The following C11orf91 variants were observed in gnomAD, a reference collection of about 807,000 sequenced individuals.
C11orf91 encodes chromosome 11 open reading frame 91, also known as uncharacterized protein C11orf91.
Under a neutral mutation model 14.3 loss-of-function variants are expected in C11orf91, and 10 were observed. The ratio of observed to expected loss-of-function variants is 0.70; its 90% CI spans 0.43 to 1.18. C11orf91 has a LOEUF of 1.18. Ranked by LOEUF, C11orf91 falls within the 50% of genes most tolerant of loss-of-function variation. C11orf91 has a pLI of 0.00. For synonymous variants in C11orf91, 141 were observed against 130.6 expected, an observed-to-expected ratio of 1.08 and a Z score of -0.54; for missense variants, 236 against 269.0, an observed-to-expected ratio of 0.88 and a Z score of 0.86.
chr11:33,705,458 G>A (rs1264615775), upstream of C11orf91: 1 of 152,240 alleles, frequency 6.6e-6, no homozygotes, highest in Non-Finnish European at 1.5e-5. Flanking sequence ...TGTCTACCTT[G>A]TTTGCTGAGT....
chr11:33,702,087 C>T (rs1410679014), upstream of C11orf91, among the ~76,000 whole-genome samples: 1 of 152,016 alleles, frequency 6.6e-6, no homozygotes, highest in Non-Finnish European at 1.5e-5. Context: ...GGCAGCCACC[C>T]ATCATTGTTT....
At chr11:33,702,494 C>T (rs550747389), upstream of C11orf91, among the ~76,000 whole-genome samples, 2 of 152,204 alleles carry the variant, frequency 1.3e-5, no homozygotes, top group East Asian at 3.9e-4. Context: ...ATACCCTTAT[C>T]TTCCATTAGT....
At position 33,698,564 on chromosome 11, in the gene C11orf91, C is replaced by T. The variant is rs1424711784; in HGVS notation, c.497-50G>A. ...GCCGTAATAGAGATAAGGGCTTTTC[C>T]TAACACTTCCAAAGCAAACTCTTGG... is the stretch of plus-strand genomic sequence containing the variant. On this transcript the variant is annotated intron_variant, in intron 1 of 1. Transcript: ENST00000379011. 3 of 1,298,420 alleles carry T rather than the reference C, an allele frequency of 2.3e-6. No individual in the cohort carries two copies. In the Admixed American group the frequency reaches 5.9e-5, roughly 26 times the overall value. 80.4% of individuals were successfully genotyped at this position (1,298,420 alleles called of 1,614,324 possible).
chr11:33,700,796 GC>G lies in C11orf91; in HGVS notation c.-57del. The G allele has an allele frequency of 1.6e-6, 2 of 1,255,320 alleles. No homozygotes were observed. Among genetic ancestry groups the G allele is most frequent in the African/African-American group, 3.1e-5 (2 of 64,628 alleles). The allele number at this position is 1,255,320 out of a possible 1,614,324, so 77.8% of individuals were successfully genotyped here. ...CCCGCGCCGGGAGACGCGCGCTCAGGCCCCGAGTCGCCGGGGTTTCGAGGTT... is the reference window on the plus strand; with the variant it reads ...CCCGCGCCGGGAGACGCGCGCTCAGGCCCGAGTCGCCGGGGTTTCGAGGTT... On this transcript the variant is annotated 5_prime_UTR_variant, in exon 1 of 2. Transcript: ENST00000379011.
chr11:33,705,755 C>G (rs1458413974), upstream of C11orf91: 1 of 152,204 alleles, frequency 6.6e-6, no homozygotes, highest in Non-Finnish European at 1.5e-5. Flanking sequence ...TTCATATATA[C>G]ATATATCCTA....
chr11:33,702,029 G>A (rs915864743), upstream of C11orf91, among the ~76,000 whole-genome samples: 2 of 152,108 alleles, frequency 1.3e-5, no homozygotes, highest in Non-Finnish European at 2.9e-5. Flanking sequence ...TTCCCACACT[G>A]AGCTTCCCAC....
chr11:33,700,569 CG>C lies in C11orf91; in HGVS notation c.171del (p.Ala59ArgfsTer111). On this transcript the variant is annotated frameshift_variant, in exon 1 of 2. Coordinates refer to ENST00000379011, the MANE Select transcript of C11orf91 (RefSeq NM_001166692.2). LOFTEE classifies it high-confidence loss of function. ...VPLKAGGAPV[G>X]GAAGARSLSQ... ...GACAGGGACCGGGCCCCCGCCGCCC[CG>C]CCCACTGGCGCCCCGCCCGCCTTCA... is the stretch of plus-strand genomic sequence containing the variant. 1 of 1,452,274 alleles carries C rather than the reference CG, an allele frequency of 6.9e-7. No individual in the cohort carries two copies. Among genetic ancestry groups the C allele is most frequent in the Non-Finnish European group, 9.0e-7 (1 of 1,106,218 alleles). 90.0% of individuals were successfully genotyped at this position (1,452,274 alleles called of 1,614,324 possible). A position where few individuals can be genotyped will look rare whatever the true frequency, so the allele number is the denominator to read the frequency against.
At chr11:33,699,143 A>G (rs1853080008) in intron 1 of C11orf91, among the ~76,000 whole-genome samples, 1 of 152,124 alleles carries the variant, frequency 6.6e-6, no homozygotes, top group Non-Finnish European at 1.5e-5. Context: ...TTTCTTAACT[A>G]TGAATACATA....
Position 33,700,367 on chromosome 11 carries a change from G to C in C11orf91, c.374C>G (p.Pro125Arg), listed in dbSNP as rs1467992766. The C allele has an allele frequency of 6.5e-7, 1 of 1,534,818 alleles. No individual in the cohort carries two copies. The highest frequency in any genetic ancestry group is 2.4e-5 in the East Asian group (1 of 40,894). Residue 125 changes from proline to arginine, a missense_variant, in exon 1 of 2, where the codon CCC becomes CGC. By Grantham distance (103) the Pro-to-Arg change is moderately radical. Transcript: ENST00000379011. ...GPEVVASPLV[P>R]CPSTPRLASA... ...GGCGAGCCTGGGGGTCGAGGGGCAG[G>C]GGACCAGGGGCGAGGCAACCACCTC...
upstream of C11orf91, chr11:33,703,195 A>T (rs771428900): frequency 6.6e-6 from 1 of 152,208 alleles, no homozygotes; most frequent in Non-Finnish European, 1.5e-5. Flanking sequence ...CCAGGGGGTT[A>T]AATAAGAAGT....
chr11:33,702,800 GT>G (rs753537436), upstream of C11orf91: 64 of 284,298 alleles, frequency 2.3e-4, no homozygotes, highest in Non-Finnish European at 3.9e-4. Context: ...AAGAACCAGG[GT>G]TTTGGACTCA....
chr11:33,698,531 C>G lies in C11orf91; in HGVS notation c.497-17G>C. 2.0e-6 allele frequency: 3 copies of G among 1,518,750 alleles called. No individual in the cohort carries two copies. Among genetic ancestry groups the G allele is most frequent in the South Asian group, 1.2e-5 (1 of 83,688 alleles). 94.1% of individuals were successfully genotyped at this position (1,518,750 alleles called of 1,614,324 possible). On this transcript the variant is annotated splice_polypyrimidine_tract_variant and intron_variant, in intron 1 of 1. Coordinates refer to ENST00000379011, the MANE Select transcript of C11orf91 (RefSeq NM_001166692.2). ...GGAATGTGTCTGCAGGAGAGCAAAA[C>G]AAACTTAGCCGTAATAGAGATAAGG... is the stretch of plus-strand genomic sequence containing the variant.
chr11:33,698,375 A>G lies in C11orf91; in HGVS notation c.*54T>C, dbSNP rs1027722425. The stretch of plus-strand genomic sequence containing the variant: ...GAAATGACAACAAATGGGACACATT[A>G]TCTAAGCACTAACACCTAAGGAGGT... On this transcript the variant is annotated 3_prime_UTR_variant, in exon 2 of 2. Transcript: ENST00000379011. 1.0e-5 allele frequency: 10 copies of G among 1,002,772 alleles called. No homozygotes were observed. In the African/African-American group the frequency reaches 1.6e-4, roughly 16 times the overall value. The allele number at this position is 1,002,772 out of a possible 1,614,324, so 62.1% of individuals were successfully genotyped here. A position where few individuals can be genotyped will look rare whatever the true frequency, so the allele number is the denominator to read the frequency against.
chr11:33,701,812 A>C (rs953017152), upstream of C11orf91, among the ~76,000 whole-genome samples: 3 of 151,600 alleles, frequency 2.0e-5, no homozygotes, highest in Non-Finnish European at 2.9e-5. Context: ...TCAGATATTC[A>C]AGCTGGGTAG....
chr11:33,700,483 G>A lies in C11orf91; in HGVS notation c.258C>T (p.Ser86=). The change falls in exon 1 of 2, where the codon AGC becomes AGT. Residue 86 remains serine (S), a synonymous_variant. Coordinates refer to ENST00000379011, the MANE Select transcript of C11orf91 (RefSeq NM_001166692.2). The stretch of plus-strand genomic sequence containing the variant: ...GCCAGGGCGAGGGCCAGGGGCGCTC[G>A]CTGGAGGGACCCAGGCCGGGTGGTG... ...PPPPPGLGPS[S]ERPWPSPWPS... is the part of the protein sequence containing the mutation. 3 of 1,388,380 alleles carry A rather than the reference G, an allele frequency of 2.2e-6. No individual in the cohort carries two copies. Among genetic ancestry groups the A allele is most frequent in the Non-Finnish European group, 2.8e-6 (3 of 1,080,676 alleles). The allele number at this position is 1,388,380 out of a possible 1,614,324, so 86.0% of individuals were successfully genotyped here.
At position 33,698,304 on chromosome 11, in the gene C11orf91, A is replaced by G. The variant is rs831612; in HGVS notation, c.*125T>C. The G allele has an allele frequency of 0.3, 200,616 of 662,420 alleles. 31,639 individuals are homozygous for G. Among genetic ancestry groups the G allele is most frequent in the East Asian group, 0.43 (15,873 of 36,506 alleles). The allele number at this position is 662,420 out of a possible 1,614,324, so 41.0% of individuals were successfully genotyped here. A position where few individuals can be genotyped will look rare whatever the true frequency, so the allele number is the denominator to read the frequency against. The stretch of plus-strand genomic sequence containing the variant: ...CACTGTATGTGAAGTACATGCTGGT[A>G]GCAACAAGAACAGCGGTAAATACAG... On this transcript the variant is annotated 3_prime_UTR_variant, in exon 2 of 2. Coordinates refer to ENST00000379011, the MANE Select transcript of C11orf91 (RefSeq NM_001166692.2).
chr11:33,700,643 G>T lies in C11orf91; in HGVS notation c.98C>A (p.Ser33Ter). 1 of 1,472,832 alleles carries T rather than the reference G, an allele frequency of 6.8e-7. No individual in the cohort carries two copies. The highest frequency in any genetic ancestry group is 3.0e-5 in the East Asian group (1 of 33,742). 91.2% of individuals were successfully genotyped at this position (1,472,832 alleles called of 1,614,324 possible). ...GATGTTGAAGTCGCTGAGCGGGGAC[G>T]AGGAGATGCCGCGGTCGTACAGGGA... ...FPSLYDRGIS[S>*]SPLSDFNIWK... The change falls in exon 1 of 2, where the codon TCG (serine) becomes TAG (stop). Residue 33 changes from serine to a stop codon, truncating the protein, a stop_gained. Coordinates refer to ENST00000379011, the MANE Select transcript of C11orf91 (RefSeq NM_001166692.2). LOFTEE classifies it high-confidence loss of function.
Position 33,700,507 on chromosome 11 carries a change from T to C in C11orf91, c.234A>G (p.Pro78=). ...ALPAPAPPPP[P]PPGLGPSSER... ...CGCTGGAGGGACCCAGGCCGGGTGG[T>C]GGCGGGGGCGGGGGCGCCGGGGCGG... The change falls in exon 1 of 2, where the codon CCA becomes CCG. Residue 78 remains proline, a synonymous_variant. Transcript: ENST00000379011. 2 of 370,168 alleles carry C rather than the reference T, an allele frequency of 5.4e-6. No homozygotes were observed. Among genetic ancestry groups the C allele is most frequent in the South Asian group, 6.8e-5 (1 of 14,644 alleles). The allele number at this position is 370,168 out of a possible 1,614,324, so 22.9% of individuals were successfully genotyped here.
upstream of C11orf91, chr11:33,704,114 G>C (rs1853212313): frequency 6.6e-6 from 1 of 152,120 alleles, no homozygotes; most frequent in South Asian, 2.1e-4. Flanking sequence ...GCCTCTTTAG[G>C]GATATGTCAC....
Sources: gnomAD v4.1 joint callset for allele counts (sites outside exome capture counted in the v4.1 genomes callset) on GRCh38, gnomAD v4.1.1 for gene constraint, MANE v1.5 for transcripts, NCBI Gene and HGNC (gene_info 2026-07-23, HGNC 2026-07-21) for gene names.